Variants in NBPF9 observed in about 807,000 individuals in gnomAD.
The protein encoded by NBPF9 is NBPF family member NBPF9.
In NBPF9, 91 loss-of-function variants were observed where a neutral mutation model predicts 97.8. The ratio of observed to expected loss-of-function variants is 0.93; its 90% CI spans 0.79 to 1.11. The LOEUF (loss-of-function observed/expected upper bound fraction) is 1.11. NBPF9 is among the 50% of genes least tolerant of loss of function. The pLI is 0.00. For synonymous variants in NBPF9, 334 were observed against 359.5 expected (o/e 0.93, Z 0.80); for missense variants, 992 against 939.5 (o/e 1.06, Z -0.73).
chr1:149,074,521 C>T (rs639581), intron 12 of NBPF9, among the ~76,000 whole-genome samples: 2 of 151,372 alleles, frequency 1.3e-5, no homozygotes, highest in Non-Finnish European at 3.0e-5. Context: ...TTCTAGGAGA[C>T]TGACAAGAAA....
intron 11 of NBPF9, among the ~76,000 whole-genome samples, chr1:149,076,579 T>G (rs1242813634): frequency 6.7e-6 from 1 of 149,916 alleles, no homozygotes; most frequent in African/African-American, 2.4e-5. Context: ...CTCGGCTCAC[T>G]GCAAGCTCCG....
chr1:149,069,519 C>T (rs2079240379), intron 17 of NBPF9, 75 bp downstream of exon 17: 2 of 694,368 alleles, frequency 2.9e-6, no homozygotes, highest in Middle Eastern at 3.9e-4. Flanking sequence ...CTATTCATCA[C>T]TTCCTCATTT....
At chr1:149,070,677 C>G (rs1164993803) in intron 16 of NBPF9, among the ~76,000 whole-genome samples, 8 of 151,932 alleles carry the variant, frequency 5.3e-5, no homozygotes, top group African/African-American at 9.7e-5. Flanking sequence ...GGAGGCCTGA[C>G]AGATACTGCC....
intron 5 of NBPF9, among the ~76,000 whole-genome samples, chr1:149,085,086 C>T (rs782208155): frequency 0.021 from 3,259 of 152,094 alleles, 106 homozygotes; most frequent in African/African-American, 0.074. Context: ...ATACACACAC[C>T]ATTTTAATTT....
intron 5 of NBPF9, among the ~76,000 whole-genome samples, chr1:149,087,244 ATAT>A (rs1176531244): frequency 6.7e-6 from 1 of 150,332 alleles, no homozygotes; most frequent in Non-Finnish European, 1.5e-5. Flanking sequence ...CAATATATAT[ATAT>A]ATGTGTGTGT....
chr1:149,060,669 A>C, exon 24 of NBPF9: 1 of 376,234 alleles, frequency 2.7e-6, no homozygotes, highest in South Asian at 2.8e-5. Context: ...TTCAGGCTCT[A>C]CTACCTCCAG....
intron 20 of NBPF9, 43 bp from the exon 21 acceptor site, chr1:149,062,956 T>C (rs2078731656): frequency 2.6e-6 from 2 of 762,488 alleles, no homozygotes; most frequent in Non-Finnish European, 4.8e-6. Context: ...AAGCTGGTTC[T>C]CCTACACACA....
chr1:149,097,468 C>T (rs1407901281), intron 4 of NBPF9, among the ~76,000 whole-genome samples: 7 of 152,326 alleles, frequency 4.6e-5, no homozygotes, highest in Non-Finnish European at 7.3e-5. Flanking sequence ...GATCCCAGAA[C>T]ACCAGGCCGC....
At position 149,066,565 on chromosome 1, in the gene NBPF9, GA is replaced by G. The variant is rs1251522898; in HGVS notation, c.1638-877del. On this transcript the variant is annotated intron_variant, in intron 17 of 29. Coordinates refer to ENST00000584027, the Ensembl canonical transcript of NBPF9. ...GGAGAATGACTTTGATGAGCTGACA[GA>G]AGTAGGCTTCAGAAAGTCGGTAATA... 6 of 67,632 alleles carry G rather than the reference GA, an allele frequency of 8.9e-5. 1 individual carries two copies. The highest frequency in any genetic ancestry group is 1.4e-4 in the Non-Finnish European group (5 of 35,550). 4.2% of individuals were successfully genotyped at this position (67,632 alleles called of 1,614,324 possible).
At chr1:149,055,839 T>A in exon 30 of NBPF9, 2 of 1,605,722 alleles carry the variant, frequency 1.2e-6, no homozygotes, top group Non-Finnish European at 1.7e-6. Flanking sequence ...TAGAATAACA[T>A]CCATCCAGTG....
chr1:149,059,615 G>T lies in NBPF9; in HGVS notation c.2585+85C>A, dbSNP rs1478539157. Reference sequence around the variant, plus strand: ...GTAATTCAGCCTTCGTTGAAAACGTGACATCAAACACACTCTGGTTTCCCT... The same window carrying T: ...GTAATTCAGCCTTCGTTGAAAACGTTACATCAAACACACTCTGGTTTCCCT... On this transcript the variant is annotated intron_variant, in intron 25 of 29. Transcript: ENST00000584027. The T allele has an allele frequency of 1.3e-5, 7 of 527,776 alleles. 1 individual carries two copies. The highest frequency in any genetic ancestry group is 1.2e-4 in the African/African-American group (5 of 40,842). The allele number at this position is 527,776 out of a possible 1,614,324, so 32.7% of individuals were successfully genotyped here.
intron 12 of NBPF9, among the ~76,000 whole-genome samples, chr1:149,075,004 G>A (rs1185168332): frequency 6.6e-6 from 1 of 151,056 alleles, no homozygotes; most frequent in Non-Finnish European, 1.5e-5. Context: ...TGGAGATGGG[G>A]TTTCTCCATG....
At chr1:149,098,057 T>A (rs74116914) in intron 4 of NBPF9, among the ~76,000 whole-genome samples, 1 of 146,906 alleles carries the variant, frequency 6.8e-6, no homozygotes, top group Non-Finnish European at 1.5e-5. Flanking sequence ...GGGTGAGCCA[T>A]GAAAGCTGAA....
exon 22 of NBPF9, chr1:149,062,203 C>G: frequency 9.5e-7 from 1 of 1,050,762 alleles, no homozygotes; most frequent in Non-Finnish European, 1.5e-6. Flanking sequence ...AGTCGAATAC[C>G]ATCTACCCAG....
chr1:149,084,306 C>A (rs782344076), intron 5 of NBPF9, among the ~76,000 whole-genome samples: 1 of 144,526 alleles, frequency 6.9e-6, no homozygotes, highest in Non-Finnish European at 1.5e-5. Context: ...CATGTATACA[C>A]GTATATATAA....
intron 22 of NBPF9, 101 bp downstream of exon 22, chr1:149,061,992 A>T: frequency 1.5e-6 from 1 of 666,582 alleles, no homozygotes; most frequent in South Asian, 1.5e-5. Context: ...TGCCTGTGGC[A>T]ATGACATCTC....
rs1553653639 is a variant in NBPF9, at chr1:149,073,880, G to C, written c.989-10C>G. ...TTACACTCTTCATACTCTGAGAAAA[G>C]ACAGACACGCCTGCCTCAGTGGAAG... is the stretch of plus-strand genomic sequence containing the variant. On this transcript the variant is annotated splice_polypyrimidine_tract_variant and intron_variant, in intron 12 of 29. Coordinates refer to ENST00000584027, the Ensembl canonical transcript of NBPF9. The C allele has an allele frequency of 6.9e-7, 1 of 1,443,138 alleles. No homozygotes were observed. The highest frequency in any genetic ancestry group is 1.7e-5 in the Admixed American group (1 of 59,474). 89.4% of individuals were successfully genotyped at this position (1,443,138 alleles called of 1,614,324 possible).
Position 149,070,932 on chromosome 1 carries a change from A to G in NBPF9, c.1585+2T>C, listed in dbSNP as rs781948634. ...ATGAGACACAAGGAAAACAGAGGCTACCTGGAATAATGTGTACAGCATCTT... is the reference window on the plus strand; with the variant it reads ...ATGAGACACAAGGAAAACAGAGGCTGCCTGGAATAATGTGTACAGCATCTT... On this transcript the variant is annotated splice_donor_variant, in intron 16 of 29. Transcript: ENST00000584027. LOFTEE classifies it high-confidence loss of function. 3.7e-6 allele frequency: 6 copies of G among 1,612,396 alleles called. No individual in the cohort carries two copies. The Admixed American group carries it at 8.3e-5, about 22-fold the overall frequency.
intron 9 of NBPF9, among the ~76,000 whole-genome samples, 168 bp from the exon 10 acceptor site, chr1:149,078,123 G>A (rs74510542): frequency 1.8e-4 from 27 of 149,596 alleles, no homozygotes; most frequent in Non-Finnish European, 2.8e-4. Flanking sequence ...CTGCTCCATC[G>A]GGCAATGCAT....
Sources: allele counts gnomAD v4.1 joint callset (sites outside exome capture counted in the v4.1 genomes callset), GRCh38; gene constraint gnomAD v4.1.1; transcripts MANE v1.5; gene names NCBI Gene and HGNC (gene_info 2026-07-23, HGNC 2026-07-21).